Variants in MAN2A1 observed in about 807,000 individuals in gnomAD.
MAN2A1 encodes the protein alpha-mannosidase 2.
In MAN2A1, 76 loss-of-function variants were observed where a neutral mutation model predicts 142.6. The ratio of observed to expected loss-of-function variants is 0.53; its 90% CI spans 0.44 to 0.65. The LOEUF is 0.65. MAN2A1 is among the 30% of genes least tolerant of loss of function. MAN2A1 has a pLI of 0.00. For synonymous variants in MAN2A1, 559 were observed against 473.2 expected (o/e 1.18, Z -2.35); for missense variants, 1,311 against 1,365.1 (o/e 0.96, Z 0.62).
At chr5:109,714,889 T>C (rs79707852) in intron 2 of MAN2A1, among the ~76,000 whole-genome samples, 214 of 152,280 alleles carry the variant, frequency 1.4e-3, no homozygotes, top group African/African-American at 5.0e-3. Context: ...AATCCTGTGC[T>C]TACAGGGATA....
rs1234300693 is a variant in MAN2A1 at position 109,847,633 on chromosome 5, CTTGT to C, written c.2843-11_2843-8del. 4.6e-5 allele frequency: 67 copies of C among 1,472,052 alleles called. No homozygotes were observed. The highest frequency in any genetic ancestry group is 1.1e-4 in the South Asian group (8 of 70,408). 91.2% of individuals were successfully genotyped at this position (1,472,052 alleles called of 1,614,324 possible). On this transcript the variant is annotated intron_variant, in intron 18 of 21. Transcript: ENST00000261483. ...TATTAAATTATTCTGGTCAGTTTTG[CTTGT>C]TTGTTTGTTTGTGTGTTAGGTCAGA...
chr5:109,775,815 A>G (rs1753274815), intron 8 of MAN2A1, among the ~76,000 whole-genome samples: 1 of 152,190 alleles, frequency 6.6e-6, no homozygotes, highest in Non-Finnish European at 1.5e-5. Context: ...AATTTTCCTC[A>G]TCTCATAAAA....
chr5:109,691,567 C>G (rs1180471051), intron 1 of MAN2A1, among the ~76,000 whole-genome samples: 5 of 152,092 alleles, frequency 3.3e-5, no homozygotes, highest in African/African-American at 9.7e-5. Flanking sequence ...ACTTAAATGA[C>G]CAAAGAATAT....
intron 5 of MAN2A1, among the ~76,000 whole-genome samples, chr5:109,758,327 G>A (rs2112631887): frequency 6.6e-6 from 1 of 151,992 alleles, no homozygotes; most frequent in African/African-American, 2.4e-5. Flanking sequence ...GATCTTTTAA[G>A]GATAAATGTC....
intron 4 of MAN2A1, among the ~76,000 whole-genome samples, chr5:109,735,131 C>T (rs1752050138): frequency 6.6e-6 from 1 of 152,154 alleles, no homozygotes; most frequent in Non-Finnish European, 1.5e-5. Flanking sequence ...AAGTAATGGC[C>T]TTCTTTGTCT....
chr5:109,777,682 A>C (rs1753333048), intron 8 of MAN2A1, among the ~76,000 whole-genome samples: 1 of 152,086 alleles, frequency 6.6e-6, no homozygotes, highest in Non-Finnish European at 1.5e-5. Context: ...CTAGAAGCTT[A>C]ATTGTCTTGC....
chr5:109,706,035 T>C (rs149620049), intron 1 of MAN2A1, among the ~76,000 whole-genome samples: 1 of 152,368 alleles, frequency 6.6e-6, no homozygotes, highest in Admixed American at 6.5e-5. Context: ...TTCACAGATT[T>C]CAGGGATTAT....
At chr5:109,737,951 C>T (rs981485162) in intron 4 of MAN2A1, among the ~76,000 whole-genome samples, 17 of 152,214 alleles carry the variant, frequency 1.1e-4, no homozygotes, top group African/African-American at 4.1e-4. Flanking sequence ...GACTGTGGCT[C>T]ATAACCCTTG....
At chr5:109,799,086 G>T (rs1382918821) in intron 12 of MAN2A1, among the ~76,000 whole-genome samples, 1 of 152,146 alleles carries the variant, frequency 6.6e-6, no homozygotes, top group Non-Finnish European at 1.5e-5. Flanking sequence ...ACTGGGTGAT[G>T]GTAATAACCC....
intron 16 of MAN2A1, among the ~76,000 whole-genome samples, chr5:109,827,227 T>C (rs1754781882): frequency 6.6e-6 from 1 of 152,244 alleles, no homozygotes; most frequent in Non-Finnish European, 1.5e-5. Context: ...CAGTTAATTA[T>C]ACAAAAGATT....
In MAN2A1 at chr5:109,817,314, C is replaced by G. The variant is rs746252123; in HGVS notation, c.1985C>G (p.Ser662Trp). The change falls in exon 13 of 22, where the codon TCG becomes TGG. Residue 662 changes from serine to tryptophan, a missense_variant. Coordinates refer to ENST00000261483, the MANE Select transcript of MAN2A1 (RefSeq NM_002372.4). ...VYNPLEQDRI[S>W]LVSVYVSSPT... Reference sequence around the variant, plus strand: ...AATCCTTTAGAACAAGACCGAATCTCGTTGGTCTCAGTCTATGTGAGTTCC... The same window carrying G: ...AATCCTTTAGAACAAGACCGAATCTGGTTGGTCTCAGTCTATGTGAGTTCC... The G allele has an allele frequency of 6.2e-7, 1 of 1,614,078 alleles. No individual in the cohort carries two copies. The highest frequency in any genetic ancestry group is 2.2e-5 in the East Asian group (1 of 44,882).
At chr5:109,828,712 T>C (rs1561532887) in intron 16 of MAN2A1, among the ~76,000 whole-genome samples, 1 of 152,208 alleles carries the variant, frequency 6.6e-6, no homozygotes, top group African/African-American at 2.4e-5. Flanking sequence ...ACATCTTAAA[T>C]GCAATACTTC....
intron 4 of MAN2A1, among the ~76,000 whole-genome samples, chr5:109,732,438 A>G (rs1348920069): frequency 6.6e-6 from 1 of 152,322 alleles, no homozygotes; most frequent in East Asian, 1.9e-4. Flanking sequence ...GTCCTTGCTC[A>G]TGCCTATGTC....
At chr5:109,758,596 G>T (rs930466742) in intron 5 of MAN2A1, among the ~76,000 whole-genome samples, 1 of 150,728 alleles carries the variant, frequency 6.6e-6, no homozygotes, top group Non-Finnish European at 1.5e-5. Context: ...TTATAAAGAT[G>T]TACTACTGTC....
At chr5:109,776,352 C>CA (rs1753291267) in intron 8 of MAN2A1, among the ~76,000 whole-genome samples, 1 of 151,990 alleles carries the variant, frequency 6.6e-6, no homozygotes, top group African/African-American at 2.4e-5. Context: ...GAATTTTTAT[C>CA]AGATTATGAA....
intron 4 of MAN2A1, among the ~76,000 whole-genome samples, chr5:109,749,790 C>T (rs10039083): frequency 0.085 from 12,954 of 151,870 alleles, 658 homozygotes; most frequent in African/African-American, 0.15. Flanking sequence ...TAATATTCCC[C>T]TGCTTGTCAG....
Position 109,713,631 on chromosome 5 carries a change from G to A in MAN2A1, c.247G>A (p.Val83Met), listed in dbSNP as rs1751366659. 1 of 1,614,068 alleles carries A rather than the reference G, an allele frequency of 6.2e-7. No individual in the cohort carries two copies. The highest frequency in any genetic ancestry group is 1.3e-5 in the African/African-American group (1 of 74,920). Residue 83 changes from valine to methionine, a missense_variant, in exon 2 of 22, where the codon GTG becomes ATG. By Grantham distance (21) the Val-to-Met change is conservative. Transcript: ENST00000261483. ...CTCAGTCATCAATTTGAGTGAGTCT[G>A]TGGAGGATGGTCCGAAAAGTTCACA... is the stretch of plus-strand genomic sequence containing the variant. The part of the protein sequence containing the change: ...RDSVINLSES[V>M]EDGPKSSQSN...
chr5:109,721,059 T>C (rs2112572130), intron 3 of MAN2A1, among the ~76,000 whole-genome samples: 1 of 151,826 alleles, frequency 6.6e-6, no homozygotes, highest in South Asian at 2.1e-4. Flanking sequence ...CAGGTCTTTG[T>C]TATTTTTTAC....
chr5:109,716,275 C>T lies in MAN2A1; in HGVS notation c.535+11C>T, dbSNP rs779004912. 6.3e-7 allele frequency: 1 copy of T among 1,594,428 alleles called. No homozygotes were observed. Among genetic ancestry groups the T allele is most frequent in the South Asian group, 1.2e-5 (1 of 86,488 alleles). On this transcript the variant is annotated intron_variant, in intron 3 of 21. Transcript: ENST00000261483. ...CCCATAACGACCCAGGTAAAATTTG[C>T]ACTTCAAAAAGACAGGAGGTTATTA...
Sources: allele counts gnomAD v4.1 joint callset (sites outside exome capture counted in the v4.1 genomes callset), GRCh38; gene constraint gnomAD v4.1.1; transcripts MANE v1.5; gene names NCBI Gene and HGNC (gene_info 2026-07-23, HGNC 2026-07-21).